The following NSG1 variants were observed in gnomAD, a reference collection of about 807,000 sequenced individuals.
NSG1 encodes the protein neuronal vesicle trafficking-associated protein 1.
In NSG1, 9 loss-of-function variants were observed where a neutral mutation model predicts 19.3. The observed-to-expected ratio is 0.47, with a 90% CI of 0.28 to 0.81. The LOEUF is 0.81. Among genes scored for constraint, NSG1 ranks in the 40% least tolerant of loss-of-function variants. The pLI is 0.11. For synonymous variants in NSG1, 104 were observed against 107.0 expected (o/e 0.97, Z 0.17); for missense variants, 236 against 242.4 (o/e 0.97, Z 0.18).
rs753459061 is a variant in NSG1 at position 4,409,694 on chromosome 4, G to A, written c.357+11G>A. On this transcript the variant is annotated intron_variant, in intron 4 of 4. Coordinates refer to ENST00000621129, the MANE Select transcript of NSG1 (RefSeq NM_014392.5). ...GGGTTCGTCCTCAAGGTAAAACTCC[G>A]TTTTCCCCCAGAGGCCCTGGGACGC... The A allele has an allele frequency of 1.1e-5, 17 of 1,607,272 alleles. No homozygotes were observed. Among genetic ancestry groups the A allele is most frequent in the South Asian group, 5.5e-5 (5 of 90,962 alleles).
At chr4:4,387,833 A>G in intron 2 of NSG1, 75 bp downstream of exon 2, 2 of 1,230,908 alleles carry the variant, frequency 1.6e-6, no homozygotes. Flanking sequence ...AACAAAAGAA[A>G]CGCGCCGCGT....
At chr4:4,414,722 T>C (rs1195152585) in intron 4 of NSG1, among the ~76,000 whole-genome samples, 1 of 152,094 alleles carries the variant, frequency 6.6e-6, no homozygotes, top group Non-Finnish European at 1.5e-5. Context: ...GAGCCCAAGG[T>C]CACGCCCTTC....
chr4:4,409,429 C>T, intron 3 of NSG1, 144 bp from the exon 4 acceptor site: 1 of 644,266 alleles, frequency 1.6e-6, no homozygotes, highest in Non-Finnish European at 2.8e-6. Flanking sequence ...TGCTTCTAAC[C>T]TCTTGTGCCT....
intron 3 of NSG1, among the ~76,000 whole-genome samples, chr4:4,401,207 A>G (rs968606089): frequency 2.6e-5 from 4 of 152,170 alleles, no homozygotes; most frequent in African/African-American, 9.7e-5. Context: ...GATAATGTAG[A>G]CCCTGCTGTA....
intron 4 of NSG1, among the ~76,000 whole-genome samples, chr4:4,411,920 CAAGT>C (rs1036856838): frequency 2.6e-5 from 4 of 151,896 alleles, no homozygotes; most frequent in African/African-American, 7.3e-5. Context: ...GTAACATAAA[CAAGT>C]AACATACGCG....
Position 4,417,431 on chromosome 4 carries a change from C to T in NSG1, c.554C>T (p.Ala185Val). The T allele has an allele frequency of 1.2e-6, 2 of 1,614,166 alleles. No homozygotes were observed. The highest frequency in any genetic ancestry group is 1.1e-5 in the South Asian group (1 of 91,084). Residue 185 changes from alanine to valine, a missense_variant, in exon 5 of 5, where the codon GCT becomes GTT. Physicochemically the swap from Ala to Val is moderately conservative, Grantham distance 64. Transcript: ENST00000621129. ...GAGACTGAAGCGGCTGAGAAGTCAG[C>T]TTAGCGGGATGGGCAAGTTCCTTAC... ...EQETEAAEKSA is the reference protein window; with the variant it reads ...EQETEAAEKSV
Position 4,387,614 on chromosome 4 carries a change from C to G in NSG1, c.-16C>G. On this transcript the variant is annotated 5_prime_UTR_variant, in exon 2 of 5. Coordinates refer to ENST00000621129, the MANE Select transcript of NSG1 (RefSeq NM_014392.5). ...GCCCTCCCGCCGCAGGCTGCAGCCT[C>G]GGAGCTCCCGGAACGATGGTGAAGT... 3.7e-6 allele frequency: 6 copies of G among 1,607,228 alleles called. No homozygotes were observed. Among genetic ancestry groups the G allele is most frequent in the Non-Finnish European group, 5.1e-6 (6 of 1,176,612 alleles).
At chr4:4,407,851 G>A (rs1411934851) in intron 3 of NSG1, among the ~76,000 whole-genome samples, 1 of 152,138 alleles carries the variant, frequency 6.6e-6, no homozygotes, top group Non-Finnish European at 1.5e-5. Flanking sequence ...CGAAGGTGCA[G>A]AGCTGCAGGC....
chr4:4,389,695 TG>T (rs1382002378), intron 2 of NSG1, among the ~76,000 whole-genome samples: 2 of 152,154 alleles, frequency 1.3e-5, no homozygotes, highest in Admixed American at 1.3e-4. Context: ...TCAGGTGACA[TG>T]GCTTCTGAGG....
At position 4,387,716 on chromosome 4, in the gene NSG1, G is replaced by T. The variant is rs371921217; in HGVS notation, c.87G>T (p.Thr29=). The change falls in exon 2 of 5, where the codon ACG becomes ACT. Residue 29 remains threonine, a synonymous_variant. Transcript: ENST00000621129. The part of the protein sequence containing the change: ...EDGFDTIPLM[T]PLDVNQLQFP... ...GCTTCGACACCATTCCCCTGATGACGCCCCTCGATGTCAATCAGCTGCAGT... is the reference window on the plus strand; with the variant it reads ...GCTTCGACACCATTCCCCTGATGACTCCCCTCGATGTCAATCAGCTGCAGT... The T allele has an allele frequency of 6.2e-7, 1 of 1,612,854 alleles. No individual in the cohort carries two copies. The highest frequency in any genetic ancestry group is 2.2e-5 in the East Asian group (1 of 44,790).
intron 4 of NSG1, among the ~76,000 whole-genome samples, chr4:4,412,993 A>G (rs558829286): frequency 1.3e-5 from 2 of 152,270 alleles, no homozygotes; most frequent in African/African-American, 4.8e-5. Flanking sequence ...GTCCAGCCCA[A>G]GTCCCTTTTT....
intron 3 of NSG1, among the ~76,000 whole-genome samples, chr4:4,407,751 C>A (rs749535620): frequency 1.3e-5 from 2 of 152,024 alleles, no homozygotes; most frequent in Non-Finnish European, 2.9e-5. Flanking sequence ...GAGACGGGGA[C>A]GTGGTGGAGG....
At chr4:4,387,561 C>CGGGGGTTGGGGGG in intron 1 of NSG1, 43 bp from the exon 2 acceptor site, 1 of 1,141,992 alleles carries the variant, frequency 8.8e-7, no homozygotes, top group Non-Finnish European at 1.2e-6. Flanking sequence ...CGCCCCGCCC[C>CGGGGGTTGGGGGG]GGGTCTTGCT....
chr4:4,414,361 C>T (rs929161180), intron 4 of NSG1, among the ~76,000 whole-genome samples: 10 of 151,816 alleles, frequency 6.6e-5, no homozygotes, highest in East Asian at 1.9e-4. Context: ...AATTGAGAGT[C>T]CCCTGATAAG....
At position 4,402,224 on chromosome 4, in the gene NSG1, C is replaced by T. The variant is rs867821929; in HGVS notation, c.247-7349C>T. 1.6e-4 allele frequency among the ~76,000 whole-genome samples: 16 copies of T among 102,328 alleles called. No individual in the cohort carries two copies. In the South Asian group the frequency reaches 4.3e-3, roughly 27 times the overall value. The allele number at this position is 102,328 out of a possible 152,430, so 67.1% of individuals were successfully genotyped here. A position where few individuals can be genotyped will look rare whatever the true frequency, so the allele number is the denominator to read the frequency against. On this transcript the variant is annotated intron_variant, in intron 3 of 4. Coordinates refer to ENST00000621129, the MANE Select transcript of NSG1 (RefSeq NM_014392.5). ...TTTTTCCTTTGATTTTTTTTTTTTT[C>T]GAGATGGGGTTTTGCTGTGTAGCCC...
At chr4:4,387,941 C>T (rs540795782) in intron 2 of NSG1, among the ~76,000 whole-genome samples, 183 bp downstream of exon 2, 1 of 150,206 alleles carries the variant, frequency 6.7e-6, no homozygotes, top group South Asian at 2.1e-4. Context: ...GGATGCTGGG[C>T]GGGGGAGGGG....
chr4:4,404,074 C>T (rs916561877), intron 3 of NSG1, among the ~76,000 whole-genome samples: 1 of 152,230 alleles, frequency 6.6e-6, no homozygotes, highest in African/African-American at 2.4e-5. Flanking sequence ...TTCTCATTGG[C>T]AGCCACAGTT....
chr4:4,411,559 C>T (rs1724181384), intron 4 of NSG1, among the ~76,000 whole-genome samples: 1 of 152,312 alleles, frequency 6.6e-6, no homozygotes, highest in Middle Eastern at 3.4e-3. Flanking sequence ...GTCTGGCCAA[C>T]ATGGTGAAAC....
chr4:4,402,281 C>G (rs1723589960), intron 3 of NSG1, among the ~76,000 whole-genome samples: 1 of 148,602 alleles, frequency 6.7e-6, no homozygotes, highest in Non-Finnish European at 1.5e-5. Flanking sequence ...TCTTGGCTCA[C>G]TATAACTTCT....
Sources: allele counts gnomAD v4.1 joint callset (sites outside exome capture counted in the v4.1 genomes callset), GRCh38; gene constraint gnomAD v4.1.1; transcripts MANE v1.5; gene names NCBI Gene and HGNC (gene_info 2026-07-23, HGNC 2026-07-21).